COL9A1: variants seen among roughly 807,000 people sequenced by gnomAD.
COL9A1 encodes collagen type IX alpha 1 chain, also known as collagen alpha-1(IX) chain.
In COL9A1, 104 loss-of-function variants were observed where a neutral mutation model predicts 142.6. The ratio of observed to expected loss-of-function variants is 0.73; its 90% CI spans 0.62 to 0.86. The LOEUF is 0.86. COL9A1 is among the 40% of genes least tolerant of loss of function. The pLI is 0.00. For synonymous variants in COL9A1, 466 were observed against 396.0 expected, an observed-to-expected ratio of 1.18 and a Z score of -2.10; for missense variants, 1,210 against 1,176.6, an observed-to-expected ratio of 1.03 and a Z score of -0.42.
intron 18 of COL9A1, among the ~76,000 whole-genome samples, chr6:70,264,925 G>A (rs1771917967): frequency 6.6e-6 from 1 of 152,028 alleles, no homozygotes; most frequent in African/African-American, 2.4e-5. Context: ...CCAAACCTCA[G>A]GCCTCCAAGC....
intron 20 of COL9A1, among the ~76,000 whole-genome samples, chr6:70,259,103 A>G (rs1445570390): frequency 6.6e-6 from 1 of 152,210 alleles, no homozygotes; most frequent in African/African-American, 2.4e-5. Context: ...AGCAAGCAGA[A>G]TGAAAATACC....
At chr6:70,281,287 C>A (rs759340977) in intron 8 of COL9A1, 103 bp downstream of exon 8, 496 of 1,140,512 alleles carry the variant, frequency 4.3e-4, no homozygotes, top group Non-Finnish European at 5.7e-4. Context: ...AAGGGGAGAC[C>A]CTGGTCCTCT....
chr6:70,299,821 C>G (rs1773989296), intron 4 of COL9A1, among the ~76,000 whole-genome samples: 1 of 152,150 alleles, frequency 6.6e-6, no homozygotes, highest in Non-Finnish European at 1.5e-5. Flanking sequence ...GTATAATAGT[C>G]TCAGTGATGC....
chr6:70,251,857 T>C (rs1001630934), intron 28 of COL9A1, among the ~76,000 whole-genome samples: 2 of 152,226 alleles, frequency 1.3e-5, no homozygotes, highest in Non-Finnish European at 2.9e-5. Flanking sequence ...CGTTGGGTCT[T>C]TTTAAATCAC....
chr6:70,226,112 A>G lies in COL9A1; in HGVS notation c.2504-103T>C, dbSNP rs977328651. On this transcript the variant is annotated intron_variant, in intron 36 of 37. Transcript: ENST00000357250. ...TCTAAAATTCAGAAACCAAAAGGTC[A>G]TGAAATTGCCATAAACTAGATTGTA... 7.0e-5 allele frequency: 71 copies of G among 1,014,176 alleles called. 1 individual carries two copies. The highest frequency in any genetic ancestry group is 1.0e-4 in the Non-Finnish European group (67 of 669,846). The allele number at this position is 1,014,176 out of a possible 1,614,324, so 62.8% of individuals were successfully genotyped here. A position where few individuals can be genotyped will look rare whatever the true frequency, so the allele number is the denominator to read the frequency against.
chr6:70,256,704 A>C, intron 21 of COL9A1, 64 bp downstream of exon 21: 1 of 1,341,274 alleles, frequency 7.5e-7, no homozygotes, highest in Non-Finnish European at 1.1e-6. Flanking sequence ...TACTGCACAC[A>C]CATGCATACA....
At position 70,234,965 on chromosome 6, in the gene COL9A1, A is replaced by G. The variant is rs752954768; in HGVS notation, c.2113-25T>C. On this transcript the variant is annotated intron_variant, in intron 33 of 37. Coordinates refer to ENST00000357250, the MANE Select transcript of COL9A1 (RefSeq NM_001851.6). ...CCTGGAACACAATTGCACACTATCA[A>G]ACCAGGGCTAAGCATAAAGAATGTG... 3.7e-6 allele frequency: 6 copies of G among 1,613,970 alleles called. No individual in the cohort carries two copies. The South Asian group carries it at 5.5e-5, about 15-fold the overall frequency.
intron 34 of COL9A1, 66 bp from the exon 35 acceptor site, chr6:70,234,659 A>T: frequency 6.2e-7 from 1 of 1,608,150 alleles, no homozygotes; most frequent in Admixed American, 1.7e-5. Context: ...GTTAAGTTGT[A>T]AACTGACAGA....
intron 5 of COL9A1, 77 bp from the exon 6 acceptor site, chr6:70,283,897 C>T (rs571681800): frequency 9.0e-6 from 9 of 995,712 alleles, no homozygotes; most frequent in Admixed American, 6.0e-5. Flanking sequence ...AGATGAGTTG[C>T]GTCTAATTGT....
At chr6:70,232,246 T>A (rs1446761203) in intron 36 of COL9A1, among the ~76,000 whole-genome samples, 1 of 152,066 alleles carries the variant, frequency 6.6e-6, no homozygotes, top group Non-Finnish European at 1.5e-5. Context: ...TCTCAAAAAA[T>A]AAATAAATAA....
intron 14 of COL9A1, among the ~76,000 whole-genome samples, chr6:70,270,611 A>G (rs764431844): frequency 5.3e-5 from 8 of 152,258 alleles, no homozygotes; most frequent in Non-Finnish European, 1.2e-4. Flanking sequence ...GGGAAAAAGC[A>G]AAGCCAATTC....
intron 5 of COL9A1, among the ~76,000 whole-genome samples, chr6:70,291,855 G>A (rs1302025526): frequency 6.6e-6 from 1 of 152,076 alleles, no homozygotes; most frequent in Admixed American, 6.6e-5. Context: ...GAAATGTTGT[G>A]CCTAACACTA....
rs1772163215 is a variant in COL9A1 at position 70,268,320 on chromosome 6, TCCTC to T, written c.1287+480_1287+483del. Among the ~76,000 whole-genome samples the T allele has an allele frequency of 2.6e-5, 4 of 152,150 alleles. No individual in the cohort carries two copies. In the South Asian group the frequency reaches 8.3e-4, roughly 32 times the overall value. ...ACCTTGACTTCTCGAGCTCAAGTGA[TCCTC>T]CCACCTCAGCCTCCCGAGTAGCCAG... is the stretch of plus-strand genomic sequence containing the variant. On this transcript the variant is annotated intron_variant, in intron 17 of 37. Transcript: ENST00000357250.
chr6:70,302,391 G>A (rs1454930438), intron 1 of COL9A1, among the ~76,000 whole-genome samples: 1 of 151,738 alleles, frequency 6.6e-6, no homozygotes, highest in Non-Finnish European at 1.5e-5. Context: ...TCTATTTTTA[G>A]TGGAGACAGG....
Position 70,274,084 on chromosome 6 carries a change from TA to T in COL9A1, c.1030-3del. 6.3e-7 allele frequency: 1 copy of T among 1,588,456 alleles called. No individual in the cohort carries two copies. The highest frequency in any genetic ancestry group is 1.1e-5 in the South Asian group (1 of 87,278). The stretch of plus-strand genomic sequence containing the variant: ...CGATCCAGGCACACCAGGTTCTCCC[TA>T]AAAATAAAAATAGTTTCATTGTACT... On this transcript the variant is annotated splice_polypyrimidine_tract_variant and splice_region_variant and intron_variant, in intron 11 of 37. Coordinates refer to ENST00000357250, the MANE Select transcript of COL9A1 (RefSeq NM_001851.6).
intron 17 of COL9A1, among the ~76,000 whole-genome samples, chr6:70,268,504 T>C (rs984574986): frequency 9.9e-5 from 15 of 152,216 alleles, no homozygotes; most frequent in African/African-American, 3.4e-4. Flanking sequence ...CATGAACCAC[T>C]ACACTCAGCC....
Position 70,235,044 on chromosome 6 carries a change from T to C in COL9A1, c.2113-104A>G. On this transcript the variant is annotated intron_variant, in intron 33 of 37. Transcript: ENST00000357250. ...ATGAAATTTGCGGTTTCCTGCACTC[T>C]GCATCCTAACAGGTGTTCTTTCAGA... The C allele has an allele frequency of 1.4e-6, 2 of 1,405,050 alleles. 1 individual carries two copies. The highest frequency in any genetic ancestry group is 4.8e-5 in the East Asian group (2 of 41,600). 87.0% of individuals were successfully genotyped at this position (1,405,050 alleles called of 1,614,324 possible).
At chr6:70,262,237 T>G (rs997483174) in intron 19 of COL9A1, among the ~76,000 whole-genome samples, 4 of 151,798 alleles carry the variant, frequency 2.6e-5, no homozygotes, top group Admixed American at 2.0e-4. Flanking sequence ...CAGCTCCTAG[T>G]GTCTCATATG....
intron 34 of COL9A1, 58 bp downstream of exon 34, chr6:70,234,736 C>T: frequency 6.2e-7 from 1 of 1,610,580 alleles, no homozygotes; most frequent in Non-Finnish European, 8.5e-7. Flanking sequence ...CTAGAACAGC[C>T]CTGCTGCTGT....
Sources: allele counts gnomAD v4.1 joint callset (sites outside exome capture counted in the v4.1 genomes callset), GRCh38; gene constraint gnomAD v4.1.1; transcripts MANE v1.5; gene names NCBI Gene and HGNC (gene_info 2026-07-23, HGNC 2026-07-21).